The following ZNF324 variants were observed in gnomAD, a reference collection of about 807,000 sequenced individuals.
The protein encoded by ZNF324 is zinc finger protein 324, also known as zinc finger protein 324A.
Under a neutral mutation model 10.3 loss-of-function variants are expected in ZNF324, and 3 were observed. The observed-to-expected ratio is 0.29, with a 90% CI of 0.13 to 0.75. The LOEUF (loss-of-function observed/expected upper bound fraction) is 0.75. Ranked by LOEUF, ZNF324 falls within the 30% of genes least tolerant of loss-of-function variation. ZNF324 has a pLI of 0.69. For missense variants in ZNF324, 763 were observed against 784.4 expected (o/e 0.97, Z 0.33); for synonymous variants, 430 against 339.5 (o/e 1.27, Z -2.93).
At chr19:58,469,898 C>G in intron 3 of ZNF324, 54 bp downstream of exon 3, 2 of 1,447,252 alleles carry the variant, frequency 1.4e-6, no homozygotes, top group East Asian at 2.4e-5. Flanking sequence ...GGTCATGCCT[C>G]TGTCCCTGGT....
At position 58,472,926 on chromosome 19, in the gene ZNF324, G is replaced by GGA. The variant is rs1422108527; in HGVS notation, c.*776_*777dup. Reference sequence around the variant, plus strand: ...TGGCTTCACACACATAGCCGACTCAGGAGAGGGATGCCCATGGGGGAACAT... The same window carrying GGA: ...TGGCTTCACACACATAGCCGACTCAGGAGAGAGGGATGCCCATGGGGGAACAT... On this transcript the variant is annotated 3_prime_UTR_variant, in exon 4 of 4. Coordinates refer to ENST00000196482, the MANE Select transcript of ZNF324 (RefSeq NM_014347.3). 2.0e-5 allele frequency: 3 copies of GGA among 152,696 alleles called. No individual in the cohort carries two copies. The highest frequency in any genetic ancestry group is 4.4e-5 in the Non-Finnish European group (3 of 68,082). 9.5% of individuals were successfully genotyped at this position (152,696 alleles called of 1,614,324 possible). A position where few individuals can be genotyped will look rare whatever the true frequency, so the allele number is the denominator to read the frequency against.
chr19:58,473,884 T>C lies in ZNF324; in HGVS notation c.*1730T>C, dbSNP rs1362547682. On this transcript the variant is annotated 3_prime_UTR_variant, in exon 4 of 4. Coordinates refer to ENST00000196482, the MANE Select transcript of ZNF324 (RefSeq NM_014347.3). ...CTGCTAGATGAGTCCTGGTGGATCC[T>C]GGCAATGGGAGGATGGTAGGTGGAG... is the stretch of plus-strand genomic sequence containing the variant. 6.6e-6 allele frequency: 1 copy of C among 152,346 alleles called. No individual in the cohort carries two copies. Among genetic ancestry groups the C allele is most frequent in the Non-Finnish European group, 1.5e-5 (1 of 68,160 alleles). The allele number at this position is 152,346 out of a possible 1,614,324, so 9.4% of individuals were successfully genotyped here. A position where few individuals can be genotyped will look rare whatever the true frequency, so the allele number is the denominator to read the frequency against.
intron 1 of ZNF324, among the ~76,000 whole-genome samples, chr19:58,468,367 G>A (rs2052999675): frequency 6.6e-6 from 1 of 152,138 alleles, no homozygotes; most frequent in South Asian, 2.1e-4. Context: ...ACTGAGGAGG[G>A]GAGGGTGGCA....
At chr19:58,468,805 C>G (rs1004440897) in intron 1 of ZNF324, among the ~76,000 whole-genome samples, 1 of 152,088 alleles carries the variant, frequency 6.6e-6, no homozygotes, top group Non-Finnish European at 1.5e-5. Context: ...GGGTCCCAGA[C>G]ATGTGAGGGA....
At position 58,474,463 on chromosome 19, in the gene ZNF324, C is replaced by G. The variant is rs2053064175; in HGVS notation, c.*2309C>G. 6.6e-6 allele frequency: 1 copy of G among 152,188 alleles called. No individual in the cohort carries two copies. Among genetic ancestry groups the G allele is most frequent in the Admixed American group, 6.6e-5 (1 of 15,236 alleles). The allele number at this position is 152,188 out of a possible 1,614,324, so 9.4% of individuals were successfully genotyped here. The stretch of plus-strand genomic sequence containing the variant: ...CCTTGTCTTCCCACCAGCCGCCTCC[C>G]TCCATCAAGTTCCTTTCCACGTCTG... On this transcript the variant is annotated 3_prime_UTR_variant, in exon 4 of 4. Transcript: ENST00000196482.
chr19:58,470,615 CT>C, intron 3 of ZNF324, 115 bp from the exon 4 acceptor site: 1 of 1,347,072 alleles, frequency 7.4e-7, no homozygotes, highest in Non-Finnish European at 1.1e-6. Context: ...CTCACCTCTA[CT>C]TTTCCCCTAA....
In ZNF324 at chr19:58,472,693, CG is replaced by C. The variant is rs1171548199; in HGVS notation, c.*540del. 1 of 153,510 alleles carries C rather than the reference CG, an allele frequency of 6.5e-6. No homozygotes were observed. The highest frequency in any genetic ancestry group is 1.4e-5 in the Non-Finnish European group (1 of 69,068). 9.5% of individuals were successfully genotyped at this position (153,510 alleles called of 1,614,324 possible). The stretch of plus-strand genomic sequence containing the variant: ...GGATCAGGGTCTGGGCTCTGTCAGC[CG>C]CCACCTCTGGGAAAGAGAAAAGGTT... On this transcript the variant is annotated 3_prime_UTR_variant, in exon 4 of 4. Transcript: ENST00000196482.
At chr19:58,469,360 A>G (rs1282735411) in intron 2 of ZNF324, 54 bp downstream of exon 2, 3 of 1,593,116 alleles carry the variant, frequency 1.9e-6, no homozygotes, top group Non-Finnish European at 2.6e-6. Context: ...CTGACTGGCC[A>G]GGGCTGCCCC....
intron 1 of ZNF324, chr19:58,467,437 A>G (rs1199894928): frequency 6.6e-6 from 1 of 151,774 alleles, no homozygotes; most frequent in Non-Finnish European, 1.5e-5. Flanking sequence ...CTGGCGGGGA[A>G]AGGCTGGGTG....
chr19:58,469,823 A>G lies in ZNF324; in HGVS notation c.217A>G (p.Thr73Ala), dbSNP rs1599996340. Reference protein sequence around the residue: ...SGTDTTLSRTTYRRRNPGSWS... With the variant: ...SGTDTTLSRTAYRRRNPGSWS... ...AACGGACACAACCCTGTCCAGGACC[A>G]CCTACAGGAGGCGCAACCCTGGTGA... is the stretch of plus-strand genomic sequence containing the variant. The change falls in exon 3 of 4, where the codon ACC becomes GCC. Residue 73 changes from threonine (T) to alanine (A), a missense_variant. By Grantham distance (58) the Thr-to-Ala change is moderately conservative. Transcript: ENST00000196482. 1 of 1,600,662 alleles carries G rather than the reference A, an allele frequency of 6.2e-7. No homozygotes were observed. Among genetic ancestry groups the G allele is most frequent in the Non-Finnish European group, 8.5e-7 (1 of 1,173,754 alleles).
Position 58,469,264 on chromosome 19 carries a change from C to G in ZNF324, c.79C>G (p.Arg27Gly), listed in dbSNP as rs140605531. 4 of 1,614,184 alleles carry G rather than the reference C, an allele frequency of 2.5e-6. No individual in the cohort carries two copies. The highest frequency in any genetic ancestry group is 3.4e-6 in the Non-Finnish European group (4 of 1,180,010). Reference sequence around the variant, plus strand: ...GGACACAGCCCAGAGGGCCCTGTACCGCCGCGTGATGCTAGACAACTTCGC... The same window carrying G: ...GGACACAGCCCAGAGGGCCCTGTACGGCCGCGTGATGCTAGACAACTTCGC... ...LLDTAQRALY[R>G]RVMLDNFALV... The change falls in exon 2 of 4, where the codon CGC becomes GGC. Residue 27 changes from arginine (R) to glycine (G), a missense_variant. Arg to Gly is a moderately radical substitution (Grantham distance 125). Around this residue, in one of 3 missense-constraint regions of ZNF324, gnomAD observed 379 missense variants for 319.4 expected, o/e 1.19. Transcript: ENST00000196482.
Position 58,470,709 on chromosome 19 carries a change from A to T in ZNF324, c.239-22A>T, listed in dbSNP as rs745867933. 4 of 1,613,900 alleles carry T rather than the reference A, an allele frequency of 2.5e-6. No homozygotes were observed. In the African/African-American group the frequency reaches 5.3e-5, roughly 22 times the overall value. On this transcript the variant is annotated intron_variant, in intron 3 of 3. Transcript: ENST00000196482. ...TCTCCTAACCAGGATGCCCCAGGCA[A>T]CCACTGTTTCTCTGCCTTTAGGTTC...
Position 58,472,222 on chromosome 19 carries a change from G to A in ZNF324, c.*68G>A, listed in dbSNP as rs1438147311. 2.1e-6 allele frequency: 3 copies of A among 1,437,484 alleles called. No individual in the cohort carries two copies. Among genetic ancestry groups the A allele is most frequent in the Admixed American group, 2.5e-5 (1 of 40,222 alleles). The allele number at this position is 1,437,484 out of a possible 1,614,324, so 89.0% of individuals were successfully genotyped here. A position where few individuals can be genotyped will look rare whatever the true frequency, so the allele number is the denominator to read the frequency against. ...AGCTAAAGGGCATATGTCCTCTGCA[G>A]ATCCACAGCAGAGAAAAAGTCCCGT... On this transcript the variant is annotated 3_prime_UTR_variant, in exon 4 of 4. Transcript: ENST00000196482.
chr19:58,470,447 G>A (rs931194205), intron 3 of ZNF324: 2 of 555,124 alleles, frequency 3.6e-6, no homozygotes, highest in Non-Finnish European at 6.6e-6. Context: ...CCAGTGTGGA[G>A]ATGTATGCAG....
In ZNF324 at chr19:58,467,172, G is replaced by C. The variant is rs543026710; in HGVS notation, c.-18G>C. ...AGGGGGTTCCTGGTGCTCGAGGCTG[G>C]CGGCGAGGAAGGTACTGGCTGAGGG... On this transcript the variant is annotated 5_prime_UTR_variant, in exon 1 of 4. Coordinates refer to ENST00000196482, the MANE Select transcript of ZNF324 (RefSeq NM_014347.3). The C allele has an allele frequency of 2.2e-4, 34 of 155,820 alleles. 1 individual carries two copies. In the South Asian group the frequency reaches 6.5e-3, roughly 30 times the overall value. The allele number at this position is 155,820 out of a possible 1,614,324, so 9.7% of individuals were successfully genotyped here.
chr19:58,467,470 A>C (rs2052991830), intron 1 of ZNF324: 1 of 151,556 alleles, frequency 6.6e-6, no homozygotes, highest in South Asian at 2.1e-4. Flanking sequence ...CTTCCCTCCC[A>C]GCTGCGGGTT....
Position 58,471,662 on chromosome 19 carries a change from G to A in ZNF324, c.1170G>A (p.Thr390=), listed in dbSNP as rs769062452. ...RNSHLIQHER[T]HTGEKPFVCA... ...CGCACCTGATCCAGCACGAGCGTAC[G>A]CACACAGGCGAGAAGCCCTTCGTGT... is the stretch of plus-strand genomic sequence containing the variant. Residue 390 remains threonine (T), a synonymous_variant, in exon 4 of 4, where the codon ACG becomes ACA. Transcript: ENST00000196482. 10 of 1,611,982 alleles carry A rather than the reference G, an allele frequency of 6.2e-6. No homozygotes were observed. Among genetic ancestry groups the A allele is most frequent in the Admixed American group, 1.7e-5 (1 of 59,982 alleles).
At chr19:58,470,107 C>T (rs1206929316) in intron 3 of ZNF324, among the ~76,000 whole-genome samples, 1 of 152,202 alleles carries the variant, frequency 6.6e-6, no homozygotes, top group East Asian at 1.9e-4. Context: ...CTGGGCTGGC[C>T]TCAAACCCTC....
intron 1 of ZNF324, among the ~76,000 whole-genome samples, chr19:58,468,365 G>T (rs879748370): frequency 1.4e-4 from 22 of 152,138 alleles, no homozygotes; most frequent in Non-Finnish European, 3.2e-4. Flanking sequence ...TAACTGAGGA[G>T]GGGAGGGTGG....
Sources: gnomAD v4.1 joint callset for allele counts (sites outside exome capture counted in the v4.1 genomes callset) on GRCh38, gnomAD v4.1.1 for gene constraint, gnomAD v4.1.1 regional missense constraint, MANE v1.5 for transcripts, NCBI Gene and HGNC (gene_info 2026-07-23, HGNC 2026-07-21) for gene names.